The following NID1 variants were observed in gnomAD, a reference collection of about 807,000 sequenced individuals.
NID1 encodes nidogen 1.
Under a neutral mutation model 130.6 loss-of-function variants are expected in NID1, and 76 were observed. That is an observed-to-expected ratio of 0.58 (90% confidence interval 0.48 to 0.70). The LOEUF (loss-of-function observed/expected upper bound fraction) is 0.70. Among genes scored for constraint, NID1 ranks in the 30% least tolerant of loss-of-function variants. NID1 has a pLI of 0.00. For missense variants in NID1, 1,517 were observed against 1,664.8 expected, an observed-to-expected ratio of 0.91 and a Z score of 1.54; for synonymous variants, 665 against 675.1, an observed-to-expected ratio of 0.98 and a Z score of 0.23.
intron 15 of NID1, among the ~76,000 whole-genome samples, chr1:235,983,666 C>G (rs1657499181): frequency 6.6e-6 from 1 of 152,160 alleles, no homozygotes; most frequent in African/African-American, 2.4e-5. Flanking sequence ...GATCTCAAAC[C>G]CAAGAGCAAC....
intron 12 of NID1, among the ~76,000 whole-genome samples, chr1:236,003,515 C>T (rs1269065202): frequency 6.6e-6 from 1 of 152,106 alleles, no homozygotes; most frequent in Non-Finnish European, 1.5e-5. Flanking sequence ...GTCCTGGATA[C>T]CAAATGAAGA....
intron 1 of NID1, chr1:236,060,735 A>G (rs894183703): frequency 6.6e-6 from 1 of 151,126 alleles, no homozygotes; most frequent in African/African-American, 2.4e-5. Context: ...ACTAAAGTTG[A>G]TATACAAACC....
chr1:235,977,836 T>C lies in NID1; in HGVS notation c.*31A>G, dbSNP rs1165404287. 2 of 1,611,392 alleles carry C rather than the reference T, an allele frequency of 1.2e-6. No individual in the cohort carries two copies. Among genetic ancestry groups the C allele is most frequent in the East Asian group, 4.5e-5 (2 of 44,844 alleles). ...CTTCAAGTAGAGTGTTGCTGTGAAA[T>C]ACTTGGAAAGGAAATAAGGCACTCT... On this transcript the variant is annotated 3_prime_UTR_variant, in exon 20 of 20. Transcript: ENST00000264187.
At chr1:236,060,543 CAT>C (rs1414130168) in intron 1 of NID1, 2 of 152,162 alleles carry the variant, frequency 1.3e-5, no homozygotes, top group Non-Finnish European at 2.9e-5. Context: ...ATGCCTCTGA[CAT>C]AAGGGTAATA....
At chr1:235,980,841 T>A (rs1657418085) in intron 16 of NID1, among the ~76,000 whole-genome samples, 188 bp from the exon 17 acceptor site, 2 of 152,186 alleles carry the variant, frequency 1.3e-5, no homozygotes, top group African/African-American at 4.8e-5. Flanking sequence ...GGTTCCTCAT[T>A]TGAGTTTGGT....
chr1:236,021,021 G>C (rs1174053278), intron 9 of NID1, among the ~76,000 whole-genome samples: 1 of 152,192 alleles, frequency 6.6e-6, no homozygotes, highest in Non-Finnish European at 1.5e-5. Flanking sequence ...TAGCCACGAG[G>C]TCACAGTTCA....
At chr1:236,027,844 A>G (rs948274871) in intron 7 of NID1, among the ~76,000 whole-genome samples, 3 of 152,034 alleles carry the variant, frequency 2.0e-5, no homozygotes, top group African/African-American at 7.2e-5. Flanking sequence ...AACAACCAGA[A>G]AACAAAAACA....
chr1:236,027,980 T>A (rs12032018), intron 7 of NID1, among the ~76,000 whole-genome samples: 2 of 151,982 alleles, frequency 1.3e-5, no homozygotes, highest in Admixed American at 6.6e-5. Flanking sequence ...AAAATAAAAT[T>A]AAATTAAAAA....
rs78260376 is a variant in NID1, at chr1:235,991,236, C to G, written c.2756-178G>C. ...CAGCCACACAATGCCCATTTTATAG[C>G]TGAAAGCACCAGAATTAGAAAGCCC... On this transcript the variant is annotated intron_variant, in intron 13 of 19. Transcript: ENST00000264187. Among the ~76,000 whole-genome samples the G allele has an allele frequency of 1.8e-4, 27 of 152,302 alleles. No individual in the cohort carries two copies. In the East Asian group the frequency reaches 5.0e-3, roughly 28 times the overall value.
At chr1:236,026,631 A>G (rs1658937572) in intron 7 of NID1, among the ~76,000 whole-genome samples, 1 of 152,160 alleles carries the variant, frequency 6.6e-6, no homozygotes, top group South Asian at 2.1e-4. Flanking sequence ...GACTAATAGT[A>G]TTAGTAAGAT....
chr1:235,986,423 G>A (rs1657575273), intron 14 of NID1, among the ~76,000 whole-genome samples: 1 of 95,910 alleles, frequency 1.0e-5, no homozygotes, highest in Middle Eastern at 5.0e-3. Context: ...CTTAATAATT[G>A]TGACAGCATC....
rs901957002 is a variant in NID1 at position 236,042,186 on chromosome 1, C to T, written c.859G>A (p.Ala287Thr). 1.2e-6 allele frequency: 2 copies of T among 1,613,810 alleles called. No homozygotes were observed. Among genetic ancestry groups the T allele is most frequent in the Non-Finnish European group, 1.7e-6 (2 of 1,180,030 alleles). ...ADVILGTEDG[A>T]EYDDEDEDYD... ...TCTTCATCCTCATCATCATACTCTGCCCCATCTTCAGTTCCGAGGATCACG... is the reference window on the plus strand; with the variant it reads ...TCTTCATCCTCATCATCATACTCTGTCCCATCTTCAGTTCCGAGGATCACG... The change falls in exon 4 of 20, where the codon GCA becomes ACA. Residue 287 changes from alanine to threonine, a missense_variant. By Grantham distance (58) the Ala-to-Thr change is moderately conservative. This residue lies in a region of NID1 where 1,329 missense variants were observed against 1,429.2 expected (regional missense o/e 0.93). Coordinates refer to ENST00000264187, the MANE Select transcript of NID1 (RefSeq NM_002508.3).
At chr1:235,984,844 A>G (rs756322053) in intron 15 of NID1, among the ~76,000 whole-genome samples, 2 of 152,182 alleles carry the variant, frequency 1.3e-5, no homozygotes, top group Non-Finnish European at 2.9e-5. Flanking sequence ...TGAAATTGGC[A>G]TCCTTAATGA....
chr1:236,042,143 G>C lies in NID1; in HGVS notation c.902C>G (p.Thr301Ser), dbSNP rs1267214063. 6 of 1,613,934 alleles carry C rather than the reference G, an allele frequency of 3.7e-6. No individual in the cohort carries two copies. Among genetic ancestry groups the C allele is most frequent in the African/African-American group, 1.3e-5 (1 of 74,874 alleles). The change falls in exon 4 of 20, where the codon ACT becomes AGT. Residue 301 changes from threonine to serine, a missense_variant. Physicochemically the swap from Thr to Ser is moderately conservative, Grantham distance 58. Coordinates refer to ENST00000264187, the MANE Select transcript of NID1 (RefSeq NM_002508.3). ...DEDEDYDLAT[T>S]RLGLEDVGTT... ...GCCCACATCCTCCAGGCCCAGACGA[G>C]TGGTCGCCAGGTCATAATCTTCATC... is the stretch of plus-strand genomic sequence containing the variant.
At chr1:236,004,579 G>A (rs1475042573) in intron 12 of NID1, among the ~76,000 whole-genome samples, 1 of 151,896 alleles carries the variant, frequency 6.6e-6, no homozygotes, top group Non-Finnish European at 1.5e-5. Flanking sequence ...TGGCTAACAC[G>A]GTGAAACCCT....
intron 13 of NID1, among the ~76,000 whole-genome samples, chr1:235,993,086 T>C (rs1282956365): frequency 6.6e-6 from 1 of 152,238 alleles, no homozygotes; most frequent in South Asian, 2.1e-4. Flanking sequence ...AGCCAGCTCA[T>C]GCAGAAAGCT....
chr1:236,000,718 C>G (rs943363931), intron 12 of NID1, among the ~76,000 whole-genome samples: 2 of 152,208 alleles, frequency 1.3e-5, no homozygotes, highest in African/African-American at 4.8e-5. Context: ...AGAAGGAGAA[C>G]TAAGAAGAAA....
intron 1 of NID1, among the ~76,000 whole-genome samples, chr1:236,052,826 G>A (rs1385198756): frequency 6.6e-6 from 1 of 152,204 alleles, no homozygotes; most frequent in Non-Finnish European, 1.5e-5. Flanking sequence ...GGTGGCTCCT[G>A]CCTGGCACAC....
At position 236,013,547 on chromosome 1, in the gene NID1, C is replaced by A. The variant is rs758215510; in HGVS notation, c.2268G>T (p.Gln756His). Residue 756 changes from glutamine (Q) to histidine (H), a missense_variant, in exon 11 of 20, where the codon CAG becomes CAT. Physicochemically the swap from Gln to His is conservative, Grantham distance 24 (BLOSUM62 0). Transcript: ENST00000264187. Reference protein sequence around the residue: ...DEGTCVAVVDQRPINYCETGL... With the variant: ...DEGTCVAVVDHRPINYCETGL... ...CAGTTTCACAGTAGTTGATGGGGCG[C>A]TGGTCCACGACAGCTTCAGAACAAA... 6.2e-7 allele frequency: 1 copy of A among 1,614,140 alleles called. No homozygotes were observed. The highest frequency in any genetic ancestry group is 1.1e-5 in the South Asian group (1 of 91,082).
Sources: gnomAD v4.1 joint callset for allele counts (sites outside exome capture counted in the v4.1 genomes callset) on GRCh38, gnomAD v4.1.1 for gene constraint, gnomAD v4.1.1 regional missense constraint, MANE v1.5 for transcripts, NCBI Gene and HGNC (gene_info 2026-07-23, HGNC 2026-07-21) for gene names.